The following RIN3 variants were observed in gnomAD, a reference collection of about 807,000 sequenced individuals.
RIN3 encodes Ras and Rab interactor 3, also known as RAB5 interacting protein 3.
In RIN3, 54 loss-of-function variants were observed where a neutral mutation model predicts 76.3. The observed-to-expected ratio is 0.71, with a 90% CI of 0.57 to 0.89. The LOEUF (loss-of-function observed/expected upper bound fraction) is 0.89. Among genes scored for constraint, RIN3 ranks in the 40% least tolerant of loss-of-function variants. The pLI is 0.00. For missense variants in RIN3, 1,256 were observed against 1,322.1 expected (o/e 0.95, Z 0.78); for synonymous variants, 576 against 564.0 (o/e 1.02, Z -0.30).
At chr14:92,676,194 G>A (rs1355606755) in intron 7 of RIN3, among the ~76,000 whole-genome samples, 4 of 151,992 alleles carry the variant, frequency 2.6e-5, no homozygotes, top group South Asian at 2.1e-4. Flanking sequence ...GGCGGTCATG[G>A]AGAGGGAGGA....
At chr14:92,606,607 G>C (rs377143051) in intron 3 of RIN3, among the ~76,000 whole-genome samples, 1 of 152,116 alleles carries the variant, frequency 6.6e-6, no homozygotes, top group Non-Finnish European at 1.5e-5. Flanking sequence ...GATCTGAGAA[G>C]ACATTTTTGC....
intron 6 of RIN3, among the ~76,000 whole-genome samples, chr14:92,654,946 C>T (rs1887612463): frequency 6.6e-6 from 1 of 151,992 alleles, no homozygotes; most frequent in East Asian, 1.9e-4. Flanking sequence ...AGGTGGATCA[C>T]CTAAGGTCAG....
At chr14:92,565,157 G>T (rs1223047601) in intron 2 of RIN3, among the ~76,000 whole-genome samples, 1 of 152,212 alleles carries the variant, frequency 6.6e-6, no homozygotes, top group Non-Finnish European at 1.5e-5. Context: ...GAGCTCTGAA[G>T]TCTGGAGCTG....
chr14:92,599,847 T>C (rs1379840038), intron 3 of RIN3, among the ~76,000 whole-genome samples: 2 of 152,210 alleles, frequency 1.3e-5, no homozygotes, highest in African/African-American at 2.4e-5. Flanking sequence ...ACTCCCATCT[T>C]GTCGCTAAAA....
chr14:92,631,352 T>C (rs2140120408), intron 4 of RIN3, among the ~76,000 whole-genome samples: 1 of 152,206 alleles, frequency 6.6e-6, no homozygotes, highest in Admixed American at 6.5e-5. Context: ...AATCCAGCAC[T>C]CAGGAAGCAC....
At chr14:92,629,426 G>A (rs186704037) in intron 4 of RIN3, among the ~76,000 whole-genome samples, 34 of 152,336 alleles carry the variant, frequency 2.2e-4, no homozygotes, top group African/African-American at 5.1e-4. Flanking sequence ...CAAGGGCACC[G>A]TTACAGAATC....
At chr14:92,535,610 G>A (rs933554354) in intron 1 of RIN3, among the ~76,000 whole-genome samples, 1 of 149,494 alleles carries the variant, frequency 6.7e-6, no homozygotes, top group African/African-American at 2.5e-5. Context: ...CTTTCTTCTA[G>A]AAGCTTTTTT....
chr14:92,666,373 T>C (rs1373529159), intron 7 of RIN3, among the ~76,000 whole-genome samples: 5 of 152,232 alleles, frequency 3.3e-5, no homozygotes, highest in African/African-American at 7.2e-5. Flanking sequence ...AGGGCCAGGA[T>C]TAAACCTAGT....
At chr14:92,586,841 C>T (rs1884794334) in intron 3 of RIN3, among the ~76,000 whole-genome samples, 2 of 152,168 alleles carry the variant, frequency 1.3e-5, no homozygotes, top group South Asian at 2.1e-4. Context: ...TCTGGGTCAT[C>T]AAAACCAATG....
intron 3 of RIN3, among the ~76,000 whole-genome samples, chr14:92,605,120 A>T (rs564034482): frequency 6.6e-6 from 1 of 152,124 alleles, no homozygotes; most frequent in African/African-American, 2.4e-5. Flanking sequence ...CATGTTGCCT[A>T]GGCTGGTCTC....
At chr14:92,619,188 C>G (rs1886080594) in intron 4 of RIN3, among the ~76,000 whole-genome samples, 1 of 152,078 alleles carries the variant, frequency 6.6e-6, no homozygotes, top group Non-Finnish European at 1.5e-5. Flanking sequence ...GTCAAATAAT[C>G]CTGTTTACCT....
In RIN3 at chr14:92,651,683, C is replaced by G; in HGVS notation, c.634C>G (p.Pro212Ala). Residue 212 changes from proline (P) to alanine (A), a missense_variant, in exon 6 of 10, where the codon CCC becomes GCC. This residue lies in a region of RIN3 where 610 missense variants were observed against 626.4 expected (regional missense o/e 0.97). Transcript: ENST00000216487. ...ATTCCCCCTAGTCTCCAGCCTCAGG[C>G]CCACAGCCCATGACGCAAACTGTGC... ...PGFPLVSSLR[P>A]TAHDANCACE... is the part of the protein sequence containing the mutation. 1 of 1,614,086 alleles carries G rather than the reference C, an allele frequency of 6.2e-7. No individual in the cohort carries two copies. Among genetic ancestry groups the G allele is most frequent in the South Asian group, 1.1e-5 (1 of 91,086 alleles).
Position 92,652,696 on chromosome 14 carries a change from C to T in RIN3, c.1647C>T (p.Ser549=), listed in dbSNP as rs755883817. 4 of 1,613,444 alleles carry T rather than the reference C, an allele frequency of 2.5e-6. No individual in the cohort carries two copies. The highest frequency in any genetic ancestry group is 3.4e-6 in the Non-Finnish European group (4 of 1,180,026). Residue 549 remains serine, a synonymous_variant, in exon 6 of 10, where the codon TCC becomes TCT. Transcript: ENST00000216487. This position sits in a 1 kb window ranked among gnomAD's most constrained non-coding sequence, Gnocchi z 6.4. ...CTGTCATGGCCACCGACCAGGACTC[C>T]TACTCCACCAGCAGCACGGAGGAGG... is the stretch of plus-strand genomic sequence containing the variant. ...GVSVMATDQD[S]YSTSSTEEEL... is the part of the protein sequence containing the mutation.
chr14:92,549,943 A>G (rs901900975), intron 1 of RIN3, among the ~76,000 whole-genome samples: 2 of 152,330 alleles, frequency 1.3e-5, no homozygotes, highest in Admixed American at 6.5e-5. Context: ...CTGCCTTTGC[A>G]GGGTCCTTAG....
chr14:92,661,842 T>C (rs1364599192), intron 7 of RIN3, among the ~76,000 whole-genome samples: 1 of 151,902 alleles, frequency 6.6e-6, no homozygotes, highest in Non-Finnish European at 1.5e-5. Flanking sequence ...GTTGGAGATA[T>C]GATGGGAAGA....
chr14:92,533,199 A>G (rs117623936), intron 1 of RIN3, among the ~76,000 whole-genome samples: 10,890 of 152,314 alleles, frequency 0.071, 559 homozygotes, highest in Admixed American at 0.1. Context: ...AAAAGTCTAG[A>G]TCAGCATTGT....
At chr14:92,549,195 G>T (rs751619174) in intron 1 of RIN3, among the ~76,000 whole-genome samples, 5 of 152,150 alleles carry the variant, frequency 3.3e-5, no homozygotes, top group Admixed American at 6.5e-5. Context: ...AAGCTGGGAG[G>T]CCACGCTGCC....
In RIN3 at chr14:92,681,746, G is replaced by A. The variant is rs1005278539; in HGVS notation, c.2468-3241G>A. 2.6e-5 allele frequency among the ~76,000 whole-genome samples: 4 copies of A among 152,196 alleles called. No homozygotes were observed. Among genetic ancestry groups the A allele is most frequent in the African/African-American group, 4.8e-5 (2 of 41,436 alleles). Reference sequence around the variant, plus strand: ...AGCAAGGGCTGGGGGCACCAGAGCCGACTTCCTGGCCTGGGGCTTTAAACC... The same window carrying A: ...AGCAAGGGCTGGGGGCACCAGAGCCAACTTCCTGGCCTGGGGCTTTAAACC... On this transcript the variant is annotated intron_variant, in intron 8 of 9. Coordinates refer to ENST00000216487, the MANE Select transcript of RIN3 (RefSeq NM_024832.5). The surrounding 1 kb of genome is among the most constrained non-coding windows in gnomAD (Gnocchi z 4.7).
intron 3 of RIN3, among the ~76,000 whole-genome samples, chr14:92,599,494 A>G (rs1885268424): frequency 6.6e-6 from 1 of 152,180 alleles, no homozygotes; most frequent in Admixed American, 6.5e-5. Context: ...GTGGGACAGC[A>G]TCACCCCAGG....
Sources: gnomAD v4.1 joint callset for allele counts (sites outside exome capture counted in the v4.1 genomes callset) on GRCh38, gnomAD v4.1.1 for gene constraint, gnomAD v4.1.1 regional missense constraint, Gnocchi (gnomAD v3.1) non-coding constraint, MANE v1.5 for transcripts, NCBI Gene and HGNC (gene_info 2026-07-23, HGNC 2026-07-21) for gene names.